BECN1: variants seen among roughly 807,000 people sequenced by gnomAD.
The protein encoded by BECN1 is beclin 1.
Under a neutral mutation model 60.1 loss-of-function variants are expected in BECN1, and 15 were observed. The ratio of observed to expected loss-of-function variants is 0.25; its 90% CI spans 0.17 to 0.38. The LOEUF is 0.38. Ranked by LOEUF, BECN1 falls within the 10% of genes least tolerant of loss-of-function variation. The pLI, the probability that BECN1 is intolerant of heterozygous loss-of-function variation, is 1.00. For synonymous variants in BECN1, 179 were observed against 201.8 expected, an observed-to-expected ratio of 0.89 and a Z score of 0.96; for missense variants, 424 against 548.2, an observed-to-expected ratio of 0.77 and a Z score of 2.26.
In BECN1 at chr17:42,811,750, G is replaced by A; in HGVS notation, c.1089C>T (p.Asn363=). The part of the protein sequence containing the change: ...CSGGLRFFWD[N]KFDHAMVAFL... Reference sequence around the variant, plus strand: ...AAGCCACCATTGCATGGTCAAACTTGTTGTCCCAGAAAAACCGCAACCCCC... The same window carrying A: ...AAGCCACCATTGCATGGTCAAACTTATTGTCCCAGAAAAACCGCAACCCCC... The change falls in exon 11 of 12, where the codon AAC becomes AAT. Residue 363 remains asparagine (N), a synonymous_variant. Transcript: ENST00000590099. The A allele has an allele frequency of 6.2e-7, 1 of 1,614,108 alleles. No homozygotes were observed. The highest frequency in any genetic ancestry group is 8.5e-7 in the Non-Finnish European group (1 of 1,180,016).
In BECN1 at chr17:42,818,673, C is replaced by T. The variant is rs1457782185; in HGVS notation, c.359G>A (p.Gly120Glu). 1 of 1,614,068 alleles carries T rather than the reference C, an allele frequency of 6.2e-7. No individual in the cohort carries two copies. Among genetic ancestry groups the T allele is most frequent in the African/African-American group, 1.3e-5 (1 of 74,914 alleles). Residue 120 changes from glycine to glutamate, a missense_variant, in exon 6 of 12, where the codon GGG becomes GAG. By Grantham distance (98) the Gly-to-Glu change is moderately conservative. This residue lies in a region of BECN1 where 326 missense variants were observed against 406.2 expected (regional missense o/e 0.80). Transcript: ENST00000590099. ...ENLSRRLKVT[G>E]DLFDIMSGQT... ...GCCCGACATGATGTCAAAAAGGTCCCCAGTGACCTGGAAGTGTGGGAGAGT... is the reference window on the plus strand; with the variant it reads ...GCCCGACATGATGTCAAAAAGGTCCTCAGTGACCTGGAAGTGTGGGAGAGT...
chr17:42,817,835 G>A (rs1033481401), intron 7 of BECN1, among the ~76,000 whole-genome samples: 2 of 152,034 alleles, frequency 1.3e-5, no homozygotes, highest in Non-Finnish European at 1.5e-5. Context: ...AGATATGAAC[G>A]ACCATACCTG....
chr17:42,820,750 TA>T, intron 3 of BECN1, 23 bp downstream of exon 3: 2 of 1,551,594 alleles, frequency 1.3e-6, no homozygotes, highest in Non-Finnish European at 1.8e-6. Flanking sequence ...ATGAGGAGGA[TA>T]GGGGAGAGGG....
Position 42,813,000 on chromosome 17 carries a change from G to C in BECN1, c.1041+948C>G, listed in dbSNP as rs1356121598. On this transcript the variant is annotated intron_variant, in intron 10 of 11. Coordinates refer to ENST00000590099, the MANE Select transcript of BECN1 (RefSeq NM_001313998.2). ...CAGGCACCTGCCACCACGCCCAGCT[G>C]ATTTTTTTTTTTTTTTTGTATTTTT... 19 of 140,320 alleles carry C rather than the reference G, an allele frequency of 1.4e-4. 1 individual carries two copies. The highest frequency in any genetic ancestry group is 2.3e-4 in the Non-Finnish European group (15 of 65,426). 8.7% of individuals were successfully genotyped at this position (140,320 alleles called of 1,614,324 possible).
Position 42,818,218 on chromosome 17 carries a change from C to T in BECN1, c.683+3G>A. Reference sequence around the variant, plus strand: ...GAGAAGATAGAACAGGGTGAGCACTCACTGAGCTTCCTCCTGATCCAGTCT... The same window carrying T: ...GAGAAGATAGAACAGGGTGAGCACTTACTGAGCTTCCTCCTGATCCAGTCT... On this transcript the variant is annotated splice_donor_region_variant and intron_variant, in intron 7 of 11. Coordinates refer to ENST00000590099, the MANE Select transcript of BECN1 (RefSeq NM_001313998.2). 6.2e-7 allele frequency: 1 copy of T among 1,613,704 alleles called. No individual in the cohort carries two copies. Among genetic ancestry groups the T allele is most frequent in the Non-Finnish European group, 8.5e-7 (1 of 1,179,730 alleles).
chr17:42,819,784 G>A lies in BECN1; in HGVS notation c.199-175C>T, dbSNP rs984633067. On this transcript the variant is annotated intron_variant, in intron 3 of 11. Coordinates refer to ENST00000590099, the MANE Select transcript of BECN1 (RefSeq NM_001313998.2). ...ATCCTTGTGTATGTGGACTAAGAAAGGACCCACGATACAGACAAACCTTAA... is the reference window on the plus strand; with the variant it reads ...ATCCTTGTGTATGTGGACTAAGAAAAGACCCACGATACAGACAAACCTTAA... Among the ~76,000 whole-genome samples, 6 of 151,968 alleles carry A rather than the reference G, an allele frequency of 3.9e-5. No homozygotes were observed. In the East Asian group the frequency reaches 9.7e-4, roughly 24 times the overall value.
intron 8 of BECN1, chr17:42,815,114 T>C (rs192566293): frequency 1.2e-5 from 2 of 165,716 alleles, no homozygotes; most frequent in East Asian, 1.8e-4. Context: ...GTCACTTCCC[T>C]AGCTAAAATG....
intron 10 of BECN1, chr17:42,813,696 CT>C: frequency 3.4e-6 from 1 of 293,942 alleles, no homozygotes; most frequent in Non-Finnish European, 6.3e-6. Context: ...CACGGTGATT[CT>C]TTTCCTAGCC....
intron 1 of BECN1, 92 bp downstream of exon 1, chr17:42,824,063 G>C (rs949156882): frequency 1.4e-6 from 1 of 708,278 alleles, no homozygotes; most frequent in Non-Finnish European, 2.2e-6. Flanking sequence ...AGGCAGTTTA[G>C]AGCCCAGGGT....
rs1397294572 is a variant in BECN1, at chr17:42,818,378, CA to C, written c.525del (p.Asp175GlufsTer10). ...CLEILEQMNE[D>X]DSEQLQMELK... ...AGCTCCATCTGTAACTGTTCACTGT[CA>C]TCCTCATTCATTTGCTCTAAGATCT... On this transcript the variant is annotated frameshift_variant, in exon 7 of 12. Coordinates refer to ENST00000590099, the MANE Select transcript of BECN1 (RefSeq NM_001313998.2). LOFTEE classifies it high-confidence loss of function. 6.2e-7 allele frequency: 1 copy of C among 1,614,232 alleles called. No homozygotes were observed.
intron 1 of BECN1, 135 bp downstream of exon 1, chr17:42,824,020 G>T: frequency 9.1e-7 from 1 of 1,096,904 alleles, no homozygotes; most frequent in Non-Finnish European, 1.3e-6. Flanking sequence ...GGTATGATAC[G>T]GGGAGGACCT....
rs933816249 is a variant in BECN1, at chr17:42,822,693, C to T, written c.130+1055G>A. ...GGGATCACAGGTGTGAACCACCACT[C>T]CTGGCCTTTTTAATTAATTTATTTT... is the stretch of plus-strand genomic sequence containing the variant. On this transcript the variant is annotated intron_variant, in intron 2 of 11. Transcript: ENST00000590099. Among the ~76,000 whole-genome samples, 7 of 152,012 alleles carry T rather than the reference C, an allele frequency of 4.6e-5. No homozygotes were observed. In the East Asian group the frequency reaches 1.4e-3, roughly 29 times the overall value.
chr17:42,823,952 C>T lies in BECN1; in HGVS notation c.-2-73G>A, dbSNP rs551028951. 457 of 1,548,258 alleles carry T rather than the reference C, an allele frequency of 3.0e-4. 6 individuals are homozygous for T. The South Asian group carries it at 5.0e-3, about 17-fold the overall frequency. ...ACCTCCGGCCCGGGGTTACCACATG[C>T]CTTGGTGACGATGGTAAAGGGAGGG... On this transcript the variant is annotated intron_variant, in intron 1 of 11. Transcript: ENST00000590099.
intron 8 of BECN1, chr17:42,815,037 C>A: frequency 4.3e-6 from 1 of 231,646 alleles, no homozygotes; most frequent in South Asian, 6.0e-5. Context: ...ACGATTCCAC[C>A]CCTTTACCCC....
At chr17:42,814,196 T>A in intron 9 of BECN1, 188 bp from the exon 10 acceptor site, 1 of 549,554 alleles carries the variant, frequency 1.8e-6, no homozygotes, top group Non-Finnish European at 3.2e-6. Flanking sequence ...CTACATTTAT[T>A]ATATAATTGC....
chr17:42,815,290 CCT>C (rs1319161773), intron 8 of BECN1, among the ~76,000 whole-genome samples: 8 of 151,742 alleles, frequency 5.3e-5, no homozygotes, highest in Non-Finnish European at 8.8e-5. Flanking sequence ...TTCACCACTC[CCT>C]CTTTCCCATT....
At chr17:42,820,711 T>A (rs2055244729) in intron 3 of BECN1, 63 bp downstream of exon 3, 61 of 1,482,162 alleles carry the variant, frequency 4.1e-5, no homozygotes, top group Non-Finnish European at 4.5e-5. Flanking sequence ...TGTTTTCATA[T>A]CATATCTCTC....
At chr17:42,815,778 A>G (rs1390228871) in intron 8 of BECN1, 130 bp downstream of exon 8, 1 of 1,211,234 alleles carries the variant, frequency 8.3e-7, no homozygotes, top group Non-Finnish European at 1.2e-6. Flanking sequence ...CATCACTATG[A>G]ATGAAAGAAA....
intron 3 of BECN1, 104 bp from the exon 4 acceptor site, chr17:42,819,713 G>A (rs1351708362): frequency 8.6e-7 from 1 of 1,168,824 alleles, no homozygotes; most frequent in African/African-American, 1.5e-5. Context: ...ATAACCACAA[G>A]ACTTGATAAA....
Sources: gnomAD v4.1 joint callset for allele counts (sites outside exome capture counted in the v4.1 genomes callset) on GRCh38, gnomAD v4.1.1 for gene constraint, gnomAD v4.1.1 regional missense constraint, MANE v1.5 for transcripts, NCBI Gene and HGNC (gene_info 2026-07-23, HGNC 2026-07-21) for gene names.